The following FOXN3 variants were observed in gnomAD, a reference collection of about 807,000 sequenced individuals.
FOXN3 encodes forkhead box N3.
Under a neutral mutation model 38.4 loss-of-function variants are expected in FOXN3, and 7 were observed. The ratio of observed to expected loss-of-function variants is 0.18; its 90% CI spans 0.10 to 0.34. The LOEUF (loss-of-function observed/expected upper bound fraction) is 0.34. Among genes scored for constraint, FOXN3 ranks in the 10% least tolerant of loss-of-function variants. The pLI is 1.00. For missense variants in FOXN3, 456 were observed against 613.4 expected, an observed-to-expected ratio of 0.74 and a Z score of 2.71; for synonymous variants, 230 against 242.2, an observed-to-expected ratio of 0.95 and a Z score of 0.47.
intron 1 of FOXN3, among the ~76,000 whole-genome samples, chr14:89,483,896 T>C (rs1053843977): frequency 6.6e-6 from 1 of 152,228 alleles, no homozygotes; most frequent in African/African-American, 2.4e-5. Context: ...TTACTTGATT[T>C]AAAACAAAAT....
intron 1 of FOXN3, among the ~76,000 whole-genome samples, chr14:89,585,195 T>C (rs960842562): frequency 6.6e-6 from 1 of 152,178 alleles, no homozygotes. Context: ...TCGCTTTAAA[T>C]AACTTAATGC....
At chr14:89,338,827 G>A (rs1733273212) in intron 3 of FOXN3, among the ~76,000 whole-genome samples, 1 of 152,086 alleles carries the variant, frequency 6.6e-6, no homozygotes, top group Admixed American at 6.6e-5. Context: ...AAAATATTTG[G>A]TATGCAGCAT....
chr14:89,403,661 C>T (rs1355728951), intron 2 of FOXN3, among the ~76,000 whole-genome samples: 2 of 152,194 alleles, frequency 1.3e-5, no homozygotes, highest in Non-Finnish European at 2.9e-5. Context: ...GGCAGTACAT[C>T]GATGAAGTAT....
chr14:89,229,383 C>A (rs1884736385), intron 4 of FOXN3, among the ~76,000 whole-genome samples: 1 of 152,144 alleles, frequency 6.6e-6, no homozygotes, highest in Non-Finnish European at 1.5e-5. Context: ...AAGCTCTTGC[C>A]ACTCTGACCA....
chr14:89,382,753 C>T (rs915093417), intron 2 of FOXN3, among the ~76,000 whole-genome samples: 3 of 152,148 alleles, frequency 2.0e-5, no homozygotes, highest in Non-Finnish European at 2.9e-5. Flanking sequence ...GTGTTGAGCT[C>T]TTTAGATAAC....
intron 1 of FOXN3, among the ~76,000 whole-genome samples, chr14:89,523,409 T>C (rs1894361805): frequency 6.6e-6 from 1 of 152,158 alleles, no homozygotes; most frequent in South Asian, 2.1e-4. Context: ...CATATTCAGG[T>C]GAACATAGAA....
At chr14:89,212,915 C>T (rs976245916) in intron 4 of FOXN3, among the ~76,000 whole-genome samples, 4 of 152,058 alleles carry the variant, frequency 2.6e-5, no homozygotes, top group Non-Finnish European at 5.9e-5. Context: ...TAAAGAGATA[C>T]GTTATAAAAA....
chr14:89,238,528 TC>T (rs1203740753), intron 4 of FOXN3, among the ~76,000 whole-genome samples: 2 of 152,210 alleles, frequency 1.3e-5, no homozygotes, highest in African/African-American at 4.8e-5. Flanking sequence ...GGAGGAGTGT[TC>T]GGCAGCCTAC....
intron 2 of FOXN3, among the ~76,000 whole-genome samples, chr14:89,399,259 C>T (rs1453315103): frequency 6.6e-6 from 1 of 152,140 alleles, no homozygotes; most frequent in Non-Finnish European, 1.5e-5. Context: ...GGAACCATCA[C>T]ATCACAGGGA....
intron 4 of FOXN3, among the ~76,000 whole-genome samples, chr14:89,250,500 C>T (rs1885423054): frequency 6.6e-6 from 1 of 152,208 alleles, no homozygotes; most frequent in African/African-American, 2.4e-5. Flanking sequence ...TCTGAGAGAA[C>T]TGCAAAAACA....
In FOXN3 at chr14:89,535,520, C is replaced by T. The variant is rs75080738; in HGVS notation, c.-15+83508G>A. On this transcript the variant is annotated intron_variant, in intron 1 of 6. Coordinates refer to the FOXN3 transcript ENST00000345097. ...GCAGATAATGCAGCCTTTTTTTCAC[C>T]CAGCAGTGACCTAGTACAGAGAAAA... Among the ~76,000 whole-genome samples the T allele has an allele frequency of 6.1e-3, 933 of 151,986 alleles. 10 individuals carry two copies. Among genetic ancestry groups the T allele is most frequent in the African/African-American group, 0.021 (870 of 41,476 alleles).
chr14:89,444,575 T>C (rs971999722), intron 1 of FOXN3, among the ~76,000 whole-genome samples: 1 of 152,194 alleles, frequency 6.6e-6, no homozygotes, highest in Non-Finnish European at 1.5e-5. Flanking sequence ...GCTGTATCTC[T>C]CTCTGTCAAA....
intron 4 of FOXN3, among the ~76,000 whole-genome samples, chr14:89,206,668 T>C (rs1000652416): frequency 1.3e-5 from 2 of 152,178 alleles, no homozygotes; most frequent in African/African-American, 4.8e-5. Context: ...ATTTCATCTT[T>C]CAATAGGAAA....
At chr14:89,232,156 GCC>G (rs1884832422) in intron 4 of FOXN3, among the ~76,000 whole-genome samples, 1 of 152,186 alleles carries the variant, frequency 6.6e-6, no homozygotes, top group African/African-American at 2.4e-5. Context: ...ATCTAGGCCT[GCC>G]CCAAGATTCT....
intron 3 of FOXN3, among the ~76,000 whole-genome samples, chr14:89,308,240 G>A (rs999208493): frequency 2.0e-5 from 3 of 152,194 alleles, no homozygotes; most frequent in African/African-American, 7.2e-5. Context: ...CTCCACCCTG[G>A]GTGCCAGAGT....
chr14:89,322,163 T>C (rs961623053), intron 3 of FOXN3, among the ~76,000 whole-genome samples: 1 of 152,192 alleles, frequency 6.6e-6, no homozygotes, highest in Admixed American at 6.6e-5. Context: ...GACCCCATAA[T>C]GGCTCTGCTC....
chr14:89,410,253 C>T (rs974062161), intron 2 of FOXN3, among the ~76,000 whole-genome samples: 4 of 152,160 alleles, frequency 2.6e-5, no homozygotes, highest in African/African-American at 9.7e-5. Flanking sequence ...CAAGATTCTA[C>T]TTGAAATGGT....
intron 5 of FOXN3, 30 bp downstream of exon 5, chr14:89,180,671 C>A: frequency 6.6e-7 from 1 of 1,522,888 alleles, no homozygotes; most frequent in Non-Finnish European, 8.9e-7. Context: ...ACTCCCCAGG[C>A]TGGCTCTGCC....
intron 1 of FOXN3, among the ~76,000 whole-genome samples, chr14:89,521,380 G>T (rs1462596875): frequency 6.6e-6 from 1 of 151,744 alleles, no homozygotes; most frequent in Admixed American, 6.6e-5. Flanking sequence ...GAGAGAGAGA[G>T]AGAGACAGAT....
Sources: allele counts gnomAD v4.1 joint callset (sites outside exome capture counted in the v4.1 genomes callset), GRCh38; gene constraint gnomAD v4.1.1; transcripts MANE v1.5; gene names NCBI Gene and HGNC (gene_info 2026-07-23, HGNC 2026-07-21).